Variants in ABCA13 observed in about 807,000 individuals in gnomAD.
ABCA13 encodes the protein ATP binding cassette subfamily A member 13.
Under a neutral mutation model 478.7 loss-of-function variants are expected in ABCA13, and 476 were observed. The ratio of observed to expected loss-of-function variants is 0.99; its 90% confidence interval spans 0.92 to 1.07. The LOEUF (loss-of-function observed/expected upper bound fraction) is 1.07, where lower values mean the gene tolerates loss of function less well. ABCA13 is among the 50% of genes least tolerant of loss of function. ABCA13 has a pLI of 0.00. For missense variants in ABCA13, 6,060 were observed against 5,910.6 expected (o/e 1.03, Z -0.83); for synonymous variants, 2,252 against 2,158.9 (o/e 1.04, Z -1.20).
chr7:48,471,240 C>T (rs17631101), intron 44 of ABCA13, among the ~76,000 whole-genome samples: 1,726 of 152,320 alleles, frequency 0.011, 12 homozygotes, highest in Middle Eastern at 0.024. Context: ...TCAGTTTCCA[C>T]CAGGAGCCCC....
chr7:48,402,308 T>C (rs1817713791), intron 38 of ABCA13, among the ~76,000 whole-genome samples: 1 of 152,230 alleles, frequency 6.6e-6, no homozygotes, highest in South Asian at 2.1e-4. Flanking sequence ...TTGTCTTCTC[T>C]GCTGACTGAT....
chr7:48,243,636 A>T (rs764811553), intron 10 of ABCA13, among the ~76,000 whole-genome samples: 1 of 152,236 alleles, frequency 6.6e-6, no homozygotes, highest in Non-Finnish European at 1.5e-5. Context: ...GCTTGGGTCC[A>T]TCAGCTCTCC....
At chr7:48,218,853 G>A (rs1055684921) in intron 3 of ABCA13, among the ~76,000 whole-genome samples, 2 of 152,184 alleles carry the variant, frequency 1.3e-5, no homozygotes, top group African/African-American at 4.8e-5. Flanking sequence ...TGTGATGTAA[G>A]CTTTGTTATT....
At chr7:48,280,381 C>G (rs1796875798) in intron 18 of ABCA13, among the ~76,000 whole-genome samples, 1 of 152,118 alleles carries the variant, frequency 6.6e-6, no homozygotes, top group Non-Finnish European at 1.5e-5. Flanking sequence ...TTTTTTGATT[C>G]TGCCAGACTT....
In ABCA13 at chr7:48,276,176, C is replaced by G. The variant is rs2128762835; in HGVS notation, c.6510C>G (p.Gly2170=). 6.3e-7 allele frequency: 1 copy of G among 1,592,240 alleles called. No individual in the cohort carries two copies. The highest frequency in any genetic ancestry group is 1.1e-5 in the South Asian group (1 of 87,110). ...CCAAAGCTATTGCTACTTTTTGGGG[C>G]TCTTTAAAAAATATATCTAGAGCAG... ...LLAKAIATFW[G]SLKNISRAGN... Residue 2170 remains glycine, a synonymous_variant, in exon 17 of 62, where the codon GGC becomes GGG. Transcript: ENST00000435803.
chr7:48,401,919 T>C (rs957180643), intron 38 of ABCA13, among the ~76,000 whole-genome samples: 1 of 152,150 alleles, frequency 6.6e-6, no homozygotes, highest in African/African-American at 2.4e-5. Flanking sequence ...TTGCATAAGA[T>C]ATAATAGAGA....
At chr7:48,625,228 T>A (rs149035148) in intron 59 of ABCA13, among the ~76,000 whole-genome samples, 1 of 152,226 alleles carries the variant, frequency 6.6e-6, no homozygotes, top group East Asian at 1.9e-4. Context: ...TGACTTAATA[T>A]ATCTATAAAC....
At position 48,310,046 on chromosome 7, in the gene ABCA13, G is replaced by C; in HGVS notation, c.9421G>C (p.Ala3141Pro). ...TCCCAAAGGGGAAAAATCTTGGATC[G>C]CAGCGGAGGAACTCTGTAGCCTGCC... is the stretch of plus-strand genomic sequence containing the variant. ...TFPKGEKSWI[A>P]AEELCSLPGS... is the part of the protein sequence containing the mutation. Residue 3141 changes from alanine to proline, a missense_variant, in exon 24 of 62, where the codon GCA becomes CCA. Coordinates refer to ENST00000435803, the MANE Select transcript of ABCA13 (RefSeq NM_152701.5). 2 of 1,613,932 alleles carry C rather than the reference G, an allele frequency of 1.2e-6. No homozygotes were observed. Among genetic ancestry groups the C allele is most frequent in the African/African-American group, 2.7e-5 (2 of 75,048 alleles).
chr7:48,283,436 G>A (rs557510259), intron 19 of ABCA13, among the ~76,000 whole-genome samples: 2 of 152,272 alleles, frequency 1.3e-5, no homozygotes, highest in Non-Finnish European at 2.9e-5. Context: ...GACCTTGAGG[G>A]TGCAGTTCAG....
chr7:48,311,818 A>G (rs1361209703), intron 24 of ABCA13, among the ~76,000 whole-genome samples: 2 of 152,196 alleles, frequency 1.3e-5, no homozygotes, highest in Non-Finnish European at 1.5e-5. Context: ...GCTCATTCCC[A>G]AGTCCATGTA....
At chr7:48,318,404 A>C (rs1802894679) in intron 27 of ABCA13, among the ~76,000 whole-genome samples, 2 of 151,956 alleles carry the variant, frequency 1.3e-5, no homozygotes, top group Admixed American at 6.6e-5. Context: ...GCTGGAGTGC[A>C]GTGGTGCAAT....
intron 41 of ABCA13, among the ~76,000 whole-genome samples, chr7:48,423,721 G>C (rs1000901531): frequency 6.6e-6 from 1 of 152,148 alleles, no homozygotes; most frequent in Non-Finnish European, 1.5e-5. Context: ...CATAGGCATT[G>C]CTTTTAAAGC....
Position 48,489,226 on chromosome 7 carries a change from CT to C in ABCA13, c.13183-3del. On this transcript the variant is annotated splice_polypyrimidine_tract_variant and intron_variant, in intron 47 of 61. Transcript: ENST00000435803. ...TCGTGAGAGCCATTAAATTATCTTT[CT>C]TTTTTTAGGTGTGGTATAATCAGAA... 1 of 1,592,376 alleles carries C rather than the reference CT, an allele frequency of 6.3e-7. No individual in the cohort carries two copies. The highest frequency in any genetic ancestry group is 8.6e-7 in the Non-Finnish European group (1 of 1,164,168).
intron 48 of ABCA13, among the ~76,000 whole-genome samples, chr7:48,501,404 G>A (rs957801731): frequency 1.2e-4 from 18 of 152,152 alleles, no homozygotes; most frequent in Non-Finnish European, 1.5e-5. Context: ...AGGCCATGAG[G>A]ATTCCCTAGA....
chr7:48,359,562 G>C (rs1012937958), intron 31 of ABCA13, among the ~76,000 whole-genome samples: 1 of 151,930 alleles, frequency 6.6e-6, no homozygotes, highest in Non-Finnish European at 1.5e-5. Flanking sequence ...GTTGCCCCCA[G>C]CTATGTCCTG....
intron 27 of ABCA13, among the ~76,000 whole-genome samples, chr7:48,333,572 A>T (rs1446615511): frequency 5.3e-5 from 8 of 152,236 alleles, no homozygotes; most frequent in African/African-American, 1.4e-4. Flanking sequence ...CCTATGTAAA[A>T]ATCTTTTATT....
In ABCA13 at chr7:48,298,503, TTGTC is replaced by T; in HGVS notation, c.9321+24_9321+27del. 6.2e-7 allele frequency: 1 copy of T among 1,606,570 alleles called. No individual in the cohort carries two copies. The highest frequency in any genetic ancestry group is 1.7e-5 in the Admixed American group (1 of 58,798). On this transcript the variant is annotated intron_variant, in intron 23 of 61. Coordinates refer to ENST00000435803, the MANE Select transcript of ABCA13 (RefSeq NM_152701.5). ...CCACTCCAAGGTGTGGTGCTGTTTC[TTGTC>T]TGTCTGTTTTGCTCATGGAAGGAGC... is the stretch of plus-strand genomic sequence containing the variant.
intron 55 of ABCA13, among the ~76,000 whole-genome samples, chr7:48,537,468 A>G (rs1051745151): frequency 9.9e-5 from 15 of 152,152 alleles, no homozygotes; most frequent in South Asian, 2.1e-4. Flanking sequence ...GATGCATCTC[A>G]CGGATGGAGC....
Position 48,594,690 on chromosome 7 carries a change from C to G in ABCA13, c.14641-20C>G, listed in dbSNP as rs1246381657. 1.1e-5 allele frequency: 18 copies of G among 1,603,626 alleles called. No individual in the cohort carries two copies. Among genetic ancestry groups the G allele is most frequent in the Non-Finnish European group, 1.5e-5 (18 of 1,170,560 alleles). ...TTGTGTTTTTCAAATGCTGATTACT[C>G]TGTGTTGCCTTTCCTTCAGGATGAG... On this transcript the variant is annotated intron_variant, in intron 57 of 61. Coordinates refer to ENST00000435803, the MANE Select transcript of ABCA13 (RefSeq NM_152701.5).
Sources: gnomAD v4.1 joint callset for allele counts (sites outside exome capture counted in the v4.1 genomes callset) on GRCh38, gnomAD v4.1.1 for gene constraint, MANE v1.5 for transcripts, NCBI Gene and HGNC (gene_info 2026-07-23, HGNC 2026-07-21) for gene names.